Variants in MKLN1 observed in about 807,000 individuals in gnomAD.
The protein encoded by MKLN1 is muskelin.
A neutral mutation model predicts 99.0 loss-of-function variants in MKLN1; 18 were observed. The observed-to-expected ratio is 0.18, with a 90% CI of 0.13 to 0.27. The LOEUF is 0.27. Ranked by LOEUF, MKLN1 falls within the 10% of genes least tolerant of loss-of-function variation. The pLI, the probability that MKLN1 is intolerant of heterozygous loss-of-function variation, is 1.00. For synonymous variants in MKLN1, 288 were observed against 293.2 expected (o/e 0.98, Z 0.18); for missense variants, 621 against 875.9 (o/e 0.71, Z 3.67).
At chr7:131,373,845 T>C (rs899665007) in intron 1 of MKLN1, among the ~76,000 whole-genome samples, 1 of 152,192 alleles carries the variant, frequency 6.6e-6, no homozygotes, top group Non-Finnish European at 1.5e-5. Flanking sequence ...AAGTATTCTT[T>C]CTCTGATCCA....
chr7:131,447,401 A>G (rs755186116), intron 12 of MKLN1, among the ~76,000 whole-genome samples: 4 of 152,170 alleles, frequency 2.6e-5, no homozygotes, highest in Non-Finnish European at 4.4e-5. Context: ...CTAACTTACC[A>G]TTAAAATAAC....
rs145178585 is a variant in MKLN1, at chr7:131,177,518, A to G, written c.-296-25339A>G. 2.6e-3 allele frequency among the ~76,000 whole-genome samples: 394 copies of G among 151,008 alleles called. 1 individual carries two copies. Among genetic ancestry groups the G allele is most frequent in the Middle Eastern group, 6.8e-3 (2 of 292 alleles). On this transcript the variant is annotated intron_variant, in intron 2 of 7. Transcript: ENST00000416992. ...TATTCCCTTTTTGCAAGGTATATAT[A>G]TGTGGTTTTTATGCTATTTACTAAT... is the stretch of plus-strand genomic sequence containing the variant.
chr7:131,193,297 C>T (rs1416981134), intron 2 of MKLN1, among the ~76,000 whole-genome samples: 1 of 152,202 alleles, frequency 6.6e-6, no homozygotes, highest in Non-Finnish European at 1.5e-5. Context: ...ATCTAGGAAC[C>T]ATCTTACAAC....
chr7:131,327,782 G>T, upstream of MKLN1: 5 of 1,441,504 alleles, frequency 3.5e-6, no homozygotes, highest in Non-Finnish European at 4.5e-6. Flanking sequence ...GTAACGATGC[G>T]GGGCGGGGAG....
At chr7:131,367,810 A>G (rs1387322826) in intron 1 of MKLN1, among the ~76,000 whole-genome samples, 9 of 152,296 alleles carry the variant, frequency 5.9e-5, no homozygotes, top group Admixed American at 5.9e-4. Flanking sequence ...CAGTCATTGA[A>G]ATACTCATAA....
chr7:131,214,355 G>A (rs1003462790), intron 3 of MKLN1, among the ~76,000 whole-genome samples: 1 of 152,184 alleles, frequency 6.6e-6, no homozygotes, highest in Non-Finnish European at 1.5e-5. Context: ...GCTAGAGTGG[G>A]GTTGGGATGG....
chr7:131,190,840 A>G (rs1053161932), intron 2 of MKLN1, among the ~76,000 whole-genome samples: 3 of 152,216 alleles, frequency 2.0e-5, no homozygotes, highest in Non-Finnish European at 4.4e-5. Flanking sequence ...ATGGATGGAT[A>G]ACAACTTCAG....
intron 1 of MKLN1, among the ~76,000 whole-genome samples, chr7:131,142,068 G>C (rs577858982): frequency 6.6e-6 from 1 of 152,024 alleles, no homozygotes; most frequent in South Asian, 2.1e-4. Context: ...CTGCAGCCCA[G>C]GAGTTTGAGA....
intron 1 of MKLN1, among the ~76,000 whole-genome samples, chr7:131,336,166 T>A (rs1485111751): frequency 6.6e-6 from 1 of 152,102 alleles, no homozygotes; most frequent in Non-Finnish European, 1.5e-5. Flanking sequence ...AACTTATCTT[T>A]CTAGTACATT....
At chr7:131,455,522 T>G (rs983141106) in intron 12 of MKLN1, among the ~76,000 whole-genome samples, 1 of 152,244 alleles carries the variant, frequency 6.6e-6, no homozygotes, top group African/African-American at 2.4e-5. Flanking sequence ...TCTTATTTTC[T>G]GTTTTTTTCA....
At chr7:131,332,911 A>G (rs766342218) in intron 1 of MKLN1, among the ~76,000 whole-genome samples, 4 of 150,790 alleles carry the variant, frequency 2.7e-5, no homozygotes, top group East Asian at 3.9e-4. Context: ...CTACAGGCAC[A>G]TGCCATCACG....
At chr7:131,282,363 A>AAG (rs1465059300) in intron 3 of MKLN1, among the ~76,000 whole-genome samples, 19 of 151,978 alleles carry the variant, frequency 1.3e-4, no homozygotes, top group African/African-American at 4.6e-4. Flanking sequence ...AAAAAAAAAA[A>AAG]AAAAAAGAAA....
chr7:131,482,686 A>G (rs1797160162), intron 17 of MKLN1, among the ~76,000 whole-genome samples: 1 of 152,200 alleles, frequency 6.6e-6, no homozygotes. Context: ...CAATGTAGCA[A>G]GACTCCATCT....
chr7:131,353,066 G>A (rs747265297), intron 1 of MKLN1, among the ~76,000 whole-genome samples: 11 of 152,174 alleles, frequency 7.2e-5, no homozygotes, highest in Non-Finnish European at 1.5e-4. Flanking sequence ...TAGAAATGAA[G>A]CTACTATAAA....
intron 4 of MKLN1, among the ~76,000 whole-genome samples, chr7:131,396,235 G>A (rs147566828): frequency 3.5e-4 from 53 of 152,136 alleles, no homozygotes; most frequent in African/African-American, 1.2e-3. Context: ...ACCATGACTG[G>A]CTATTTTTTC....
intron 3 of MKLN1, among the ~76,000 whole-genome samples, chr7:131,219,824 TAG>T (rs1399359310): frequency 1.3e-5 from 2 of 152,168 alleles, no homozygotes; most frequent in South Asian, 2.1e-4. Context: ...TGGCCAAAAA[TAG>T]AGAGACAAAA....
At chr7:131,439,114 C>A (rs775364517) in intron 10 of MKLN1, among the ~76,000 whole-genome samples, 1 of 152,136 alleles carries the variant, frequency 6.6e-6, no homozygotes, top group African/African-American at 2.4e-5. Context: ...CTCCACAGAG[C>A]TATGCACATC....
At chr7:131,396,801 T>C (rs1163896204) in intron 4 of MKLN1, among the ~76,000 whole-genome samples, 1 of 152,196 alleles carries the variant, frequency 6.6e-6, no homozygotes, top group Non-Finnish European at 1.5e-5. Flanking sequence ...TTTTTGCAAC[T>C]TTTCTCCTTT....
chr7:131,332,995 C>T (rs1303306226), intron 1 of MKLN1, among the ~76,000 whole-genome samples: 1 of 152,022 alleles, frequency 6.6e-6, no homozygotes, highest in Non-Finnish European at 1.5e-5. Flanking sequence ...ACCATCTTGG[C>T]TCACTGCAAA....
Sources: gnomAD v4.1 joint callset for allele counts (sites outside exome capture counted in the v4.1 genomes callset) on GRCh38, gnomAD v4.1.1 for gene constraint, MANE v1.5 for transcripts, NCBI Gene and HGNC (gene_info 2026-07-23, HGNC 2026-07-21) for gene names.